The following UAP1L1 variants were observed in gnomAD, a reference collection of about 807,000 sequenced individuals.
UAP1L1 encodes UDP-N-acetylglucosamine pyrophosphorylase 1 like 1, also known as UDP-N-acetylhexosamine pyrophosphorylase-like protein 1.
A neutral mutation model predicts 45.3 loss-of-function variants in UAP1L1; 45 were observed. The observed-to-expected ratio is 0.99, with a 90% CI of 0.78 to 1.27. The LOEUF (loss-of-function observed/expected upper bound fraction) is 1.27. Among genes scored for constraint, UAP1L1 ranks in the 50% most tolerant of loss-of-function variants. UAP1L1 has a pLI of 0.00. For missense variants in UAP1L1, 667 were observed against 694.0 expected (o/e 0.96, Z 0.44); for synonymous variants, 323 against 303.9 (o/e 1.06, Z -0.65).
At chr9:137,081,890 G>A in intron 7 of UAP1L1, 108 bp from the exon 8 acceptor site, 2 of 1,042,996 alleles carry the variant, frequency 1.9e-6, no homozygotes, top group Non-Finnish European at 1.5e-6. Context: ...GACAGGAGCT[G>A]TGGGGAGCCA....
intron 3 of UAP1L1, 51 bp downstream of exon 3, chr9:137,078,728 G>C: frequency 1.3e-6 from 2 of 1,559,920 alleles, no homozygotes; most frequent in South Asian, 1.2e-5. Context: ...AGAACTGGGA[G>C]CGTAGTTGGG....
In UAP1L1 at chr9:137,077,636, T is replaced by A. The variant is rs1312944743; in HGVS notation, c.104T>A (p.Leu35Gln). 6 of 1,316,910 alleles carry A rather than the reference T, an allele frequency of 4.6e-6. No homozygotes were observed. The highest frequency in any genetic ancestry group is 5.9e-6 in the Non-Finnish European group (6 of 1,020,602). 81.6% of individuals were successfully genotyped at this position (1,316,910 alleles called of 1,614,324 possible). ...GCGCCGGAGCCACGAGCCGCGCTGCTGGCGGAGCTGGCGCTGCTGGAGCCC... is the reference window on the plus strand; with the variant it reads ...GCGCCGGAGCCACGAGCCGCGCTGCAGGCGGAGCTGGCGCTGCTGGAGCCC... ...ELAPEPRAAL[L>Q]AELALLEPEA... The change falls in exon 1 of 9, where the codon CTG (leucine) becomes CAG (glutamine). Residue 35 changes from leucine (L) to glutamine (Q), a missense_variant. Transcript: ENST00000409858. This position sits in a 1 kb window ranked among gnomAD's most constrained non-coding sequence, Gnocchi z 4.7.
At position 137,079,074 on chromosome 9, in the gene UAP1L1, A is replaced by C. The variant is rs1358886142; in HGVS notation, c.769A>C (p.Asn257His). 2 of 1,610,852 alleles carry C rather than the reference A, an allele frequency of 1.2e-6. No homozygotes were observed. The highest frequency in any genetic ancestry group is 1.7e-5 in the Admixed American group (1 of 58,874). Reference sequence around the variant, plus strand: ...GTTTGTGCACGTGTACTGTGTGGACAACATCCTGGTGCGGCTGGCGGACCC... The same window carrying C: ...GTTTGTGCACGTGTACTGTGTGGACCACATCCTGGTGCGGCTGGCGGACCC... The part of the protein sequence containing the change: ...VEFVHVYCVD[N>H]ILVRLADPVF... Residue 257 changes from asparagine (N) to histidine (H), a missense_variant, in exon 4 of 9, where the codon AAC becomes CAC. Physicochemically the swap from Asn to His is moderately conservative, Grantham distance 68. Transcript: ENST00000409858.
At position 137,080,886 on chromosome 9, in the gene UAP1L1, C is replaced by T. The variant is rs763756622; in HGVS notation, c.1364+12C>T. The T allele has an allele frequency of 8.3e-6, 13 of 1,561,838 alleles. No individual in the cohort carries two copies. The highest frequency in any genetic ancestry group is 1.4e-5 in the African/African-American group (1 of 73,102). Reference sequence around the variant, plus strand: ...CCAGAGCTGCCCAGGTGAGTGTGGCCCTGGGGTAGCTACAGCCAGAAGGGG... The same window carrying T: ...CCAGAGCTGCCCAGGTGAGTGTGGCTCTGGGGTAGCTACAGCCAGAAGGGG... On this transcript the variant is annotated intron_variant, in intron 7 of 8. Coordinates refer to ENST00000409858, the MANE Select transcript of UAP1L1 (RefSeq NM_207309.3).
In UAP1L1 at chr9:137,080,778, C is replaced by T. The variant is rs774453284; in HGVS notation, c.1268C>T (p.Ala423Val). 2 of 1,612,736 alleles carry T rather than the reference C, an allele frequency of 1.2e-6. No homozygotes were observed. Among genetic ancestry groups the T allele is most frequent in the South Asian group, 2.2e-5 (2 of 91,082 alleles). ...EPADRDSPRT[A>V]RQALLTQHYR... is the part of the protein sequence containing the mutation. Reference sequence around the variant, plus strand: ...GCCGACAGGGACAGTCCCCGCACCGCTCGCCAGGCCCTGCTCACCCAGCAC... The same window carrying T: ...GCCGACAGGGACAGTCCCCGCACCGTTCGCCAGGCCCTGCTCACCCAGCAC... The change falls in exon 7 of 9, where the codon GCT (alanine) becomes GTT (valine). Residue 423 changes from alanine (A) to valine (V), a missense_variant. Ala to Val is a moderately conservative substitution (Grantham distance 64, BLOSUM62 0). Coordinates refer to ENST00000409858, the MANE Select transcript of UAP1L1 (RefSeq NM_207309.3).
Position 137,083,323 on chromosome 9 carries a change from C to G in UAP1L1, c.*594C>G, listed in dbSNP as rs1184509083. ...AGGCTGGGGCATCCCAGCCCACACA[C>G]CCTGGATGCCCAGCAAGGCCACAGA... is the stretch of plus-strand genomic sequence containing the variant. On this transcript the variant is annotated 3_prime_UTR_variant, in exon 9 of 9. Transcript: ENST00000409858. 2 of 152,560 alleles carry G rather than the reference C, an allele frequency of 1.3e-5. No homozygotes were observed. The highest frequency in any genetic ancestry group is 1.3e-4 in the Admixed American group (2 of 15,328). 9.5% of individuals were successfully genotyped at this position (152,560 alleles called of 1,614,324 possible).
In UAP1L1 at chr9:137,079,192, C is replaced by CA. The variant is rs756534437; in HGVS notation, c.843+44_843+45insA. ...GGCGCCCCGCACCCGAGGCTGGCCC[C>CA]GCCCCTCACGGAGCCCCGCCCCTCC... On this transcript the variant is annotated intron_variant, in intron 4 of 8. Transcript: ENST00000409858. 2.5e-6 allele frequency: 4 copies of CA among 1,590,532 alleles called. No individual in the cohort carries two copies. In the South Asian group the frequency reaches 4.5e-5, roughly 18 times the overall value.
In UAP1L1 at chr9:137,080,858, C is replaced by A. The variant is rs199574344; in HGVS notation, c.1348C>A (p.Leu450Ile). 3 of 1,598,880 alleles carry A rather than the reference C, an allele frequency of 1.9e-6. No individual in the cohort carries two copies. The highest frequency in any genetic ancestry group is 1.3e-5 in the African/African-American group (1 of 74,660). ...ARFLDAHGAW[L>I]PELPSLPPNG... Reference sequence around the variant, plus strand: ...CTTCCTGGATGCCCATGGGGCCTGGCTCCCAGAGCTGCCCAGGTGAGTGTG... The same window carrying A: ...CTTCCTGGATGCCCATGGGGCCTGGATCCCAGAGCTGCCCAGGTGAGTGTG... Residue 450 changes from leucine to isoleucine, a missense_variant, in exon 7 of 9, where the codon CTC becomes ATC. By Grantham distance (5) the Leu-to-Ile change is conservative. Transcript: ENST00000409858.
chr9:137,081,747 C>T (rs1328485033), intron 7 of UAP1L1, among the ~76,000 whole-genome samples: 1 of 152,152 alleles, frequency 6.6e-6, no homozygotes, highest in Non-Finnish European at 1.5e-5. Flanking sequence ...CTAGGGCCAC[C>T]CCTAAATCTA....
chr9:137,082,798 C>A lies in UAP1L1; in HGVS notation c.*69C>A. On this transcript the variant is annotated 3_prime_UTR_variant, in exon 9 of 9. Transcript: ENST00000409858. The surrounding 1 kb of genome is among the most constrained non-coding windows in gnomAD (Gnocchi z 5.7). Reference sequence around the variant, plus strand: ...CGGCATCCTGGAAGTCCCGACTCCCCCCAGACCTGCCAGCCCCGGCGTCCT... The same window carrying A: ...CGGCATCCTGGAAGTCCCGACTCCCACCAGACCTGCCAGCCCCGGCGTCCT... 7.6e-7 allele frequency: 1 copy of A among 1,320,570 alleles called. No homozygotes were observed. Among genetic ancestry groups the A allele is most frequent in the South Asian group, 1.3e-5 (1 of 79,226 alleles). 81.8% of individuals were successfully genotyped at this position (1,320,570 alleles called of 1,614,324 possible). A position where few individuals can be genotyped will look rare whatever the true frequency, so the allele number is the denominator to read the frequency against.
Position 137,082,449 on chromosome 9 carries a change from G to A in UAP1L1, c.1432-188G>A. 1 of 604,026 alleles carries A rather than the reference G, an allele frequency of 1.7e-6. No homozygotes were observed. The highest frequency in any genetic ancestry group is 3.0e-6 in the Non-Finnish European group (1 of 338,352). 37.4% of individuals were successfully genotyped at this position (604,026 alleles called of 1,614,324 possible). A position where few individuals can be genotyped will look rare whatever the true frequency, so the allele number is the denominator to read the frequency against. ...GGGTCCCCTGCTGGCCTAGGGTCTTGAGTGTGGTCTTGGGTGGCCTTGCAG... is the reference window on the plus strand; with the variant it reads ...GGGTCCCCTGCTGGCCTAGGGTCTTAAGTGTGGTCTTGGGTGGCCTTGCAG... On this transcript the variant is annotated intron_variant, in intron 8 of 8. Coordinates refer to ENST00000409858, the MANE Select transcript of UAP1L1 (RefSeq NM_207309.3). The surrounding 1 kb of genome is among the most constrained non-coding windows in gnomAD (Gnocchi z 5.7).
chr9:137,080,479 G>T (rs990333797), intron 6 of UAP1L1: 44 of 616,670 alleles, frequency 7.1e-5, no homozygotes, highest in Non-Finnish European at 3.9e-5. Context: ...CCCAGGGTTG[G>T]GCCTTCGGCT....
rs905383973 is a variant in UAP1L1 at position 137,079,421 on chromosome 9, A to G, written c.1009A>G (p.Thr337Ala). 2.2e-5 allele frequency: 35 copies of G among 1,595,648 alleles called. No individual in the cohort carries two copies. Among genetic ancestry groups the G allele is most frequent in the Non-Finnish European group, 3.0e-5 (35 of 1,167,540 alleles). ...NAGNICNHFF[T>A]RGFLKAVTRE... is the part of the protein sequence containing the mutation. Reference sequence around the variant, plus strand: ...AGGCAACATCTGCAACCACTTCTTCACCCGAGGCTTCCTTAAGGCGGTCAC... The same window carrying G: ...AGGCAACATCTGCAACCACTTCTTCGCCCGAGGCTTCCTTAAGGCGGTCAC... The change falls in exon 5 of 9, where the codon ACC becomes GCC. Residue 337 changes from threonine to alanine, a missense_variant. By Grantham distance (58) the Thr-to-Ala change is moderately conservative. Coordinates refer to ENST00000409858, the MANE Select transcript of UAP1L1 (RefSeq NM_207309.3).
intron 7 of UAP1L1, among the ~76,000 whole-genome samples, 161 bp from the exon 8 acceptor site, chr9:137,081,837 G>T (rs1204350565): frequency 6.6e-6 from 1 of 152,176 alleles, no homozygotes; most frequent in Non-Finnish European, 1.5e-5. Flanking sequence ...AGTGGGATGT[G>T]TGCTCAGGGT....
At chr9:137,078,437 T>A in intron 2 of UAP1L1, 65 bp from the exon 3 acceptor site, 1 of 1,608,896 alleles carries the variant, frequency 6.2e-7, no homozygotes, top group Middle Eastern at 1.7e-4. Flanking sequence ...CCGGCTCTGG[T>A]CCGAGCCCCG....
At chr9:137,078,708 C>G in intron 3 of UAP1L1, 31 bp downstream of exon 3, 6 of 1,591,818 alleles carry the variant, frequency 3.8e-6, no homozygotes, top group Non-Finnish European at 4.3e-6. Context: ...GGGGAGGGAC[C>G]GCCCAGACTA....
At chr9:137,079,776 A>G (rs1588572152) in intron 5 of UAP1L1, 1 of 618,344 alleles carries the variant, frequency 1.6e-6, no homozygotes, top group South Asian at 2.0e-5. Context: ...TTGCCTGGGC[A>G]GGGATGTGGC....
At chr9:137,080,554 G>A (rs1832773401) in intron 6 of UAP1L1, 135 bp from the exon 7 acceptor site, 1 of 866,358 alleles carries the variant, frequency 1.2e-6, no homozygotes, top group African/African-American at 1.7e-5. Flanking sequence ...CTCAGTACCT[G>A]CGGGGGCTCC....
Position 137,079,180 on chromosome 9 carries a change from C to T in UAP1L1, c.843+32C>T, listed in dbSNP as rs771479133. The T allele has an allele frequency of 2.5e-6, 4 of 1,593,536 alleles. No homozygotes were observed. The East Asian group carries it at 9.0e-5, about 36-fold the overall frequency. ...GCCCGACTGCGCGGCGCCCCGCACCCGAGGCTGGCCCCGCCCCTCACGGAG... is the reference window on the plus strand; with the variant it reads ...GCCCGACTGCGCGGCGCCCCGCACCTGAGGCTGGCCCCGCCCCTCACGGAG... On this transcript the variant is annotated intron_variant, in intron 4 of 8. Transcript: ENST00000409858.
Sources: allele counts gnomAD v4.1 joint callset (sites outside exome capture counted in the v4.1 genomes callset), GRCh38; gene constraint gnomAD v4.1.1; non-coding constraint Gnocchi (gnomAD v3.1); transcripts MANE v1.5; gene names NCBI Gene and HGNC (gene_info 2026-07-23, HGNC 2026-07-21).